PKP2: variants seen among roughly 807,000 people sequenced by gnomAD.
The protein encoded by PKP2 is plakophilin-2.
In PKP2, 73 loss-of-function variants were observed where a neutral mutation model predicts 83.4. The ratio of observed to expected loss-of-function variants is 0.88; its 90% CI spans 0.72 to 1.06. The LOEUF (loss-of-function observed/expected upper bound fraction) is 1.06, where lower values mean the gene tolerates loss of function less well. Ranked by LOEUF, PKP2 falls within the 50% of genes least tolerant of loss-of-function variation. The pLI is 0.00. For synonymous variants in PKP2, 409 were observed against 430.4 expected (o/e 0.95, Z 0.62); for missense variants, 966 against 1,065.4 (o/e 0.91, Z 1.30).
At position 32,869,832 on chromosome 12, in the gene PKP2, C is replaced by T. The variant is rs1480099206; in HGVS notation, c.1035-770G>A. Among the ~76,000 whole-genome samples, 4 of 152,152 alleles carry T rather than the reference C, an allele frequency of 2.6e-5. No individual in the cohort carries two copies. In the East Asian group the frequency reaches 7.8e-4, roughly 30 times the overall value. ...TCCAGGAATTCAAGACCAGCCCTGG[C>T]AACATAGTGAGACCCTGTCTTTACA... On this transcript the variant is annotated intron_variant, in intron 3 of 12. Coordinates refer to ENST00000340811, the MANE Select transcript of PKP2 (RefSeq NM_001005242.3).
At chr12:32,863,842 A>G (rs1028037907) in intron 4 of PKP2, among the ~76,000 whole-genome samples, 1 of 152,238 alleles carries the variant, frequency 6.6e-6, no homozygotes, top group Non-Finnish European at 1.5e-5. Flanking sequence ...AGTATTACCC[A>G]CAACTCAAAA....
At chr12:32,800,346 C>T (rs555483952) in intron 10 of PKP2, among the ~76,000 whole-genome samples, 1 of 152,280 alleles carries the variant, frequency 6.6e-6, no homozygotes, top group Non-Finnish European at 1.5e-5. Flanking sequence ...ATCATTATTC[C>T]TGAAATGGAC....
Position 32,878,087 on chromosome 12 carries a change from C to T in PKP2, c.793G>A (p.Gly265Arg), listed in dbSNP as rs555239517. 1.2e-6 allele frequency: 2 copies of T among 1,614,184 alleles called. No homozygotes were observed. Among genetic ancestry groups the T allele is most frequent in the African/African-American group, 1.3e-5 (1 of 75,072 alleles). Residue 265 changes from glycine to arginine, a missense_variant, in exon 3 of 13, where the codon GGG (glycine) becomes AGG (arginine). Transcript: ENST00000340811. Reference sequence around the variant, plus strand: ...GGCCTGACCTGCCCGACAGTGAGCCCTGCCGTCAGGTAGTTCTCCTTCTCC... The same window carrying T: ...GGCCTGACCTGCCCGACAGTGAGCCTTGCCGTCAGGTAGTTCTCCTTCTCC... ...LLEKENYLTA[G>R]LTVGQVRPLV...
chr12:32,840,906 A>C, intron 6 of PKP2, 122 bp downstream of exon 6: 1 of 760,326 alleles, frequency 1.3e-6, no homozygotes, highest in Non-Finnish European at 2.3e-6. Flanking sequence ...AATAAAATAA[A>C]CAAACCATCA....
chr12:32,823,300 C>CCAGTTATTT (rs1414853917), intron 7 of PKP2, among the ~76,000 whole-genome samples: 2 of 151,598 alleles, frequency 1.3e-5, no homozygotes, highest in Non-Finnish European at 2.9e-5. Flanking sequence ...ACCTGTAATC[C>CCAGTTATTT]CAGTTATTTG....
At chr12:32,879,740 G>A (rs1043068666) in intron 1 of PKP2, among the ~76,000 whole-genome samples, 4 of 150,558 alleles carry the variant, frequency 2.7e-5, no homozygotes, top group Non-Finnish European at 5.9e-5. Context: ...TGTGGCAGGA[G>A]AATCGCTTGA....
chr12:32,826,701 G>T (rs1247501926), intron 6 of PKP2, among the ~76,000 whole-genome samples: 1 of 152,062 alleles, frequency 6.6e-6, no homozygotes, highest in African/African-American at 2.4e-5. Flanking sequence ...TTTTTTCAAA[G>T]AATGATCATT....
chr12:32,862,423 G>C (rs905410025), intron 4 of PKP2, among the ~76,000 whole-genome samples: 54 of 152,178 alleles, frequency 3.5e-4, no homozygotes, highest in Admixed American at 3.1e-3. Context: ...AAGGCAGGTG[G>C]ATCACCTGAA....
chr12:32,802,915 T>A (rs1956195156), intron 9 of PKP2, among the ~76,000 whole-genome samples: 1 of 151,828 alleles, frequency 6.6e-6, no homozygotes, highest in South Asian at 2.1e-4. Context: ...TGCCTCAGCC[T>A]CCTAAAGTGT....
At chr12:32,840,267 C>A (rs1447570022) in intron 6 of PKP2, among the ~76,000 whole-genome samples, 1 of 152,164 alleles carries the variant, frequency 6.6e-6, no homozygotes, top group Admixed American at 6.6e-5. Flanking sequence ...TTATCTGTGT[C>A]CCCTGCTCCA....
At chr12:32,799,300 A>G (rs1450530150) in intron 10 of PKP2, among the ~76,000 whole-genome samples, 1 of 152,202 alleles carries the variant, frequency 6.6e-6, no homozygotes, top group Non-Finnish European at 1.5e-5. Context: ...GTTGGCATGG[A>G]TATGGTGAAA....
Position 32,830,673 on chromosome 12 carries a change from G to A in PKP2, c.1557-6511C>T, listed in dbSNP as rs572694405. On this transcript the variant is annotated intron_variant, in intron 6 of 12. Transcript: ENST00000340811. ...TGTAATCCCAGCACTTTGGGAGACC[G>A]AGGTGGGCAGATCACCTGAGGTCAG... 7.0e-4 allele frequency among the ~76,000 whole-genome samples: 106 copies of A among 152,222 alleles called. 1 individual carries two copies. The highest frequency in any genetic ancestry group is 2.3e-3 in the African/African-American group (96 of 41,538).
intron 11 of PKP2, among the ~76,000 whole-genome samples, chr12:32,793,135 G>A (rs1384963783): frequency 6.6e-6 from 1 of 151,980 alleles, no homozygotes; most frequent in Non-Finnish European, 1.5e-5. Flanking sequence ...CAGCTACTCG[G>A]GAGGCTGAGG....
At chr12:32,844,136 T>C (rs975731454) in intron 5 of PKP2, among the ~76,000 whole-genome samples, 1 of 152,222 alleles carries the variant, frequency 6.6e-6, no homozygotes, top group Non-Finnish European at 1.5e-5. Flanking sequence ...TACAAAAGTA[T>C]ATGATTTTGG....
rs140058940 is a variant in PKP2 at position 32,824,142 on chromosome 12, G to A, written c.1577C>T (p.Ala526Val). 1.9e-5 allele frequency: 31 copies of A among 1,612,222 alleles called. No homozygotes were observed. The highest frequency in any genetic ancestry group is 4.0e-5 in the African/African-American group (3 of 74,978). Reference protein sequence around the residue: ...GCLRNMSSAGADGRKAMRRCD... With the variant: ...GCLRNMSSAGVDGRKAMRRCD... ...TCTTCTCATCGCTTTTCTCCCATCA[G>A]CGCCAGCAGAACTCATGTTTCTATC... Residue 526 changes from alanine (A) to valine (V), a missense_variant, in exon 7 of 13, where the codon GCT becomes GTT. Physicochemically the swap from Ala to Val is moderately conservative, Grantham distance 64. Transcript: ENST00000340811.
At chr12:32,892,660 G>A (rs1957084106) in intron 1 of PKP2, among the ~76,000 whole-genome samples, 1 of 152,014 alleles carries the variant, frequency 6.6e-6, no homozygotes, top group African/African-American at 2.4e-5. Context: ...GCTTCACCAA[G>A]GAAATCACCT....
rs1046567398 is a variant in PKP2, at chr12:32,882,811, A to C, written c.224-3779T>G. Among the ~76,000 whole-genome samples the C allele has an allele frequency of 3.3e-5, 5 of 152,310 alleles. No individual in the cohort carries two copies. In the East Asian group the frequency reaches 7.7e-4, roughly 23 times the overall value. ...ACTTAAATTACCTGCTTTAAATTGC[A>C]AAGAGATTTAATAGTCAGGGTTGAT... is the stretch of plus-strand genomic sequence containing the variant. On this transcript the variant is annotated intron_variant, in intron 1 of 12. Transcript: ENST00000340811.
At chr12:32,825,075 C>A (rs1487837014) in intron 6 of PKP2, among the ~76,000 whole-genome samples, 1 of 151,592 alleles carries the variant, frequency 6.6e-6, no homozygotes, top group Non-Finnish European at 1.5e-5. Flanking sequence ...AAAAATAGGG[C>A]CTTCAGGTTT....
In PKP2 at chr12:32,878,233, G is replaced by A; in HGVS notation, c.647C>T (p.Thr216Ile). ...GCCATGCTGGTACTGTCTGTGGTAT[G>A]TGTCAAAGTGGCGCTGCCTGCTTGT... ...GTTSRQRHFD[T>I]YHRQYQHGSV... The change falls in exon 3 of 13, where the codon ACA becomes ATA. Residue 216 changes from threonine to isoleucine, a missense_variant. Transcript: ENST00000340811. 1.2e-6 allele frequency: 2 copies of A among 1,614,200 alleles called. No homozygotes were observed. Among genetic ancestry groups the A allele is most frequent in the Non-Finnish European group, 1.7e-6 (2 of 1,180,030 alleles).
Sources: allele counts gnomAD v4.1 joint callset (sites outside exome capture counted in the v4.1 genomes callset), GRCh38; gene constraint gnomAD v4.1.1; transcripts MANE v1.5; gene names NCBI Gene and HGNC (gene_info 2026-07-23, HGNC 2026-07-21).